The following AACS variants were observed in gnomAD, a reference collection of about 807,000 sequenced individuals.
The protein encoded by AACS is acetoacetate-CoA ligase.
A neutral mutation model predicts 83.1 loss-of-function variants in AACS; 69 were observed. That is an observed-to-expected ratio of 0.83 (90% CI 0.68 to 1.01). The LOEUF is 1.01. Among genes scored for constraint, AACS ranks in the 50% least tolerant of loss-of-function variants. The pLI is 0.00. For synonymous variants in AACS, 333 were observed against 343.4 expected (o/e 0.97, Z 0.33); for missense variants, 866 against 882.2 (o/e 0.98, Z 0.23).
At chr12:125,086,930 G>T (rs1956352495) in intron 4 of AACS, among the ~76,000 whole-genome samples, 1 of 152,090 alleles carries the variant, frequency 6.6e-6, no homozygotes, top group Admixed American at 6.5e-5. Context: ...GGCAGTCTGG[G>T]CAGCAGAAAC....
At chr12:125,111,619 T>C (rs149748537) in intron 8 of AACS, among the ~76,000 whole-genome samples, 145 of 152,312 alleles carry the variant, frequency 9.5e-4, no homozygotes, top group African/African-American at 3.3e-3. Flanking sequence ...TGAGGCAACA[T>C]AGGCCAGAGT....
At chr12:125,136,963 A>G (rs1957410619) in intron 17 of AACS, 99 bp downstream of exon 17, 1 of 1,287,464 alleles carries the variant, frequency 7.8e-7, no homozygotes. Flanking sequence ...GGTGCTTTAT[A>G]TATCGTTTGT....
rs1451691358 is a variant in AACS at position 125,097,959 on chromosome 12, C to T, written c.571-4720C>T. 2.0e-5 allele frequency among the ~76,000 whole-genome samples: 3 copies of T among 152,232 alleles called. No individual in the cohort carries two copies. Among genetic ancestry groups the T allele is most frequent in the East Asian group, 1.9e-4 (1 of 5,198 alleles). On this transcript the variant is annotated intron_variant, in intron 5 of 17. Coordinates refer to ENST00000316519, the MANE Select transcript of AACS (RefSeq NM_023928.5). The surrounding 1 kb of genome is among the most constrained non-coding windows in gnomAD (Gnocchi z 4.3). ...CCCGGCTAGGCACTGCCATCTCTCACGCGTGCCGTCGTAGTAGCTTCCGAC... is the reference window on the plus strand; with the variant it reads ...CCCGGCTAGGCACTGCCATCTCTCATGCGTGCCGTCGTAGTAGCTTCCGAC...
chr12:125,134,218 C>T (rs532781411), intron 15 of AACS, 146 bp downstream of exon 15: 138 of 830,928 alleles, frequency 1.7e-4, no homozygotes, highest in Admixed American at 8.6e-4. Flanking sequence ...CCACACCACC[C>T]ACACCTCTGC....
intron 12 of AACS, 54 bp downstream of exon 12, chr12:125,125,078 A>G (rs563464219): frequency 6.2e-7 from 1 of 1,611,058 alleles, no homozygotes; most frequent in Admixed American, 1.7e-5. Flanking sequence ...CCCCATAAGT[A>G]TGCACACCTC....
intron 3 of AACS, among the ~76,000 whole-genome samples, chr12:125,085,447 C>T (rs1321494387): frequency 3.9e-5 from 6 of 152,182 alleles, no homozygotes; most frequent in South Asian, 2.1e-4. Flanking sequence ...GAACCACGCA[C>T]GTGCACGTTG....
Position 125,116,755 on chromosome 12 carries a change from G to A in AACS, c.997-1886G>A, listed in dbSNP as rs371957988. ...GCTGGGATTACAGGCATGAGCCACC[G>A]CGCCCGGCCTCCCGACCTGGGTTCT... On this transcript the variant is annotated intron_variant, in intron 9 of 17. Coordinates refer to ENST00000316519, the MANE Select transcript of AACS (RefSeq NM_023928.5). 2.7e-3 allele frequency among the ~76,000 whole-genome samples: 406 copies of A among 152,024 alleles called. 3 individuals carry two copies. Among genetic ancestry groups the A allele is most frequent in the African/African-American group, 9.2e-3 (380 of 41,476 alleles).
intron 14 of AACS, among the ~76,000 whole-genome samples, chr12:125,131,119 A>G (rs1254386361): frequency 3.3e-5 from 5 of 152,210 alleles, no homozygotes. Context: ...GAAAATGTAA[A>G]CAGGCCGTGT....
At chr12:125,141,659 T>C (rs1167761753) in intron 17 of AACS, 1 of 147,754 alleles carries the variant, frequency 6.8e-6, no homozygotes, top group Non-Finnish European at 1.4e-5. Flanking sequence ...ATTGCACCAC[T>C]GCACTCCAGC....
intron 3 of AACS, among the ~76,000 whole-genome samples, chr12:125,081,424 T>C (rs1956181831): frequency 6.6e-6 from 1 of 152,242 alleles, no homozygotes; most frequent in South Asian, 2.1e-4. Context: ...CAGCCGATTA[T>C]TGGCTCGGGG....
At chr12:125,075,153 T>G (rs1955991167) in intron 2 of AACS, among the ~76,000 whole-genome samples, 2 of 150,158 alleles carry the variant, frequency 1.3e-5, no homozygotes, top group African/African-American at 2.5e-5. Flanking sequence ...TTTTGTATTT[T>G]TAGTAGAGAT....
In AACS at chr12:125,134,088, T is replaced by A. The variant is rs772066083; in HGVS notation, c.1619+16T>A. ...TTGGCCGGAGGTAAGGGCTGCAGAG[T>A]CGGCTTCTCTTTCCTGGAGCCCCAC... On this transcript the variant is annotated intron_variant, in intron 15 of 17. Coordinates refer to ENST00000316519, the MANE Select transcript of AACS (RefSeq NM_023928.5). The A allele has an allele frequency of 3.1e-6, 5 of 1,612,156 alleles. No individual in the cohort carries two copies. The East Asian group carries it at 6.7e-5, about 22-fold the overall frequency.
At chr12:125,068,281 A>AC (rs1483343471) in intron 1 of AACS, among the ~76,000 whole-genome samples, 4 of 151,428 alleles carry the variant, frequency 2.6e-5, no homozygotes, top group Non-Finnish European at 5.9e-5. Context: ...ACATGGTGAA[A>AC]CCCCCATCTC....
intron 5 of AACS, among the ~76,000 whole-genome samples, chr12:125,096,696 A>G (rs1400197539): frequency 1.3e-5 from 2 of 152,042 alleles, no homozygotes; most frequent in African/African-American, 4.8e-5. Flanking sequence ...ACAGAGGGAC[A>G]CCCAAGTCCC....
rs187259258 is a variant in AACS at position 125,140,673 on chromosome 12, C to T, written c.1882-1419C>T. On this transcript the variant is annotated intron_variant, in intron 17 of 17. Coordinates refer to ENST00000316519, the MANE Select transcript of AACS (RefSeq NM_023928.5). This position sits in a 1 kb window ranked among gnomAD's most constrained non-coding sequence, Gnocchi z 5.1. ...CTGGGCTCTGTTGCTCCTGAAGTTT[C>T]CTAGCCCACAACACACCAACACTGC... is the stretch of plus-strand genomic sequence containing the variant. 1 of 151,754 alleles carries T rather than the reference C, an allele frequency of 6.6e-6. No homozygotes were observed. Among genetic ancestry groups the T allele is most frequent in the African/African-American group, 2.4e-5 (1 of 41,396 alleles). 9.4% of individuals were successfully genotyped at this position (151,754 alleles called of 1,614,324 possible). A position where few individuals can be genotyped will look rare whatever the true frequency, so the allele number is the denominator to read the frequency against.
rs552205876 is a variant in AACS at position 125,130,260 on chromosome 12, G to A, written c.1549+800G>A. On this transcript the variant is annotated intron_variant, in intron 14 of 17. Coordinates refer to ENST00000316519, the MANE Select transcript of AACS (RefSeq NM_023928.5). The surrounding 1 kb of genome is among the most constrained non-coding windows in gnomAD (Gnocchi z 4.9). ...CTGCCTTGCGTGTTTGCGTTTCACCGTTAAAGCCATTGTGCCTGGAATAGT... is the reference window on the plus strand; with the variant it reads ...CTGCCTTGCGTGTTTGCGTTTCACCATTAAAGCCATTGTGCCTGGAATAGT... Among the ~76,000 whole-genome samples, 12 of 152,238 alleles carry A rather than the reference G, an allele frequency of 7.9e-5. No individual in the cohort carries two copies. The highest frequency in any genetic ancestry group is 1.2e-4 in the African/African-American group (5 of 41,460).
At chr12:125,133,148 T>G (rs1482913053) in intron 14 of AACS, among the ~76,000 whole-genome samples, 1 of 152,150 alleles carries the variant, frequency 6.6e-6, no homozygotes, top group Non-Finnish European at 1.5e-5. Context: ...TTCCCCTCAG[T>G]GTGGCTGATC....
chr12:125,128,710 A>G (rs1321516838), intron 13 of AACS: 1 of 157,480 alleles, frequency 6.4e-6, no homozygotes, highest in Non-Finnish European at 1.4e-5. Flanking sequence ...TCTGCAGAGC[A>G]ATGTGGGAGG....
chr12:125,116,136 T>C (rs1376950503), intron 9 of AACS, among the ~76,000 whole-genome samples: 7 of 151,450 alleles, frequency 4.6e-5, no homozygotes, highest in Admixed American at 4.6e-4. Context: ...ACCCCCACCA[T>C]GGACCCTTGT....
Sources: gnomAD v4.1 joint callset for allele counts (sites outside exome capture counted in the v4.1 genomes callset) on GRCh38, gnomAD v4.1.1 for gene constraint, Gnocchi (gnomAD v3.1) non-coding constraint, MANE v1.5 for transcripts, NCBI Gene and HGNC (gene_info 2026-07-23, HGNC 2026-07-21) for gene names.